CHLSN: variants seen among roughly 807,000 people sequenced by gnomAD.
CHLSN encodes the protein cholesin, also known as protein cholesin.
chr7:1,076,476 T>A, the CHLSN span, among the ~76,000 whole-genome samples: 2 of 152,166 alleles, frequency 1.3e-5, no homozygotes, highest in Non-Finnish European at 2.9e-5. Context: ...TGGTTTCCCA[T>A]GGATGTGCCA....
At chr7:987,257 G>T in the CHLSN span, 1 of 1,510,296 alleles carries the variant, frequency 6.6e-7, no homozygotes, top group Non-Finnish European at 8.9e-7. Flanking sequence ...TGAGACCCCG[G>T]CGCCTGGCGA....
the CHLSN span, among the ~76,000 whole-genome samples, chr7:1,019,187 CTG>C: frequency 9.9e-6 from 1 of 101,010 alleles, no homozygotes; most frequent in Non-Finnish European, 1.8e-5. Context: ...GAGTGAGACT[CTG>C]TCTCAAAAAA....
chr7:980,684 CTTTTTTTTTTT>C, the CHLSN span, among the ~76,000 whole-genome samples: 1 of 97,044 alleles, frequency 1.0e-5, no homozygotes, highest in East Asian at 3.1e-4. Context: ...GTAACAGTTA[CTTTTTTTTTTT>C]TTTTTTTTTT....
the CHLSN span, among the ~76,000 whole-genome samples, chr7:1,008,482 T>G: frequency 2.6e-5 from 4 of 152,126 alleles, no homozygotes; most frequent in African/African-American, 7.2e-5. Context: ...CCCACGTTCC[T>G]CAGGGAGAGG....
At chr7:1,092,838 G>A in the CHLSN span, 3 of 1,612,686 alleles carry the variant, frequency 1.9e-6, no homozygotes, top group Admixed American at 1.7e-5. Context: ...CGGATGTGAG[G>A]TTCAGCAGTG....
chr7:1,041,426 G>A, the CHLSN span, among the ~76,000 whole-genome samples: 247 of 148,610 alleles, frequency 1.7e-3, 10 homozygotes, highest in Non-Finnish European at 1.8e-3. Flanking sequence ...CCTGGGGTCC[G>A]CGCTGCGGGG....
the CHLSN span, chr7:988,448 G>T: frequency 6.2e-7 from 1 of 1,610,932 alleles, no homozygotes; most frequent in Non-Finnish European, 8.5e-7. Context: ...GGGGTGGGGC[G>T]GCACCTCCAG....
At chr7:1,089,138 G>A in the CHLSN span, among the ~76,000 whole-genome samples, 5 of 152,136 alleles carry the variant, frequency 3.3e-5, no homozygotes, top group Admixed American at 6.6e-5. Context: ...CCTCTGTGCC[G>A]TTTTTAAGAA....
At chr7:1,057,890 C>T in the CHLSN span, 19 of 776,750 alleles carry the variant, frequency 2.4e-5, no homozygotes, top group African/African-American at 3.4e-5. Context: ...TGCTGAGCCT[C>T]GACCACTACA....
the CHLSN span, among the ~76,000 whole-genome samples, chr7:1,001,369 T>C: frequency 2.2e-5 from 3 of 134,284 alleles, no homozygotes; most frequent in East Asian, 6.5e-4. Flanking sequence ...GGGTGGGGAG[T>C]CCTGTGGGTG....
the CHLSN span, among the ~76,000 whole-genome samples, chr7:1,135,939 G>GTATATATAAA: frequency 1.8e-5 from 2 of 108,836 alleles, no homozygotes; most frequent in African/African-American, 8.8e-5. Context: ...AAATATATAA[G>GTATATATAAA]TATATATAAA....
At chr7:1,042,979 C>T in the CHLSN span, among the ~76,000 whole-genome samples, 1 of 151,872 alleles carries the variant, frequency 6.6e-6, no homozygotes, top group East Asian at 1.9e-4. Flanking sequence ...TGGCCGGGCA[C>T]AGTGGCTCAC....
chr7:1,124,561 GGGGGT>G, the CHLSN span, among the ~76,000 whole-genome samples: 4,393 of 115,918 alleles, frequency 0.038, 292 homozygotes, highest in African/African-American at 0.12. Context: ...GAGGCAGTCG[GGGGGT>G]GGGGGGGGAG....
chr7:1,018,474 C>A, the CHLSN span, among the ~76,000 whole-genome samples: 1 of 152,098 alleles, frequency 6.6e-6, no homozygotes, highest in South Asian at 2.1e-4. Context: ...ACGAGGGAGT[C>A]GTGATGGGCA....
chr7:1,002,371 TCCTGTGGGTGG>T, the CHLSN span, among the ~76,000 whole-genome samples: 2 of 83,974 alleles, frequency 2.4e-5, no homozygotes, highest in Admixed American at 2.7e-4. Flanking sequence ...GTGAATGGAG[TCCTGTGGGTGG>T]GGAGTCCTGT....
chr7:1,126,500 T>C, the CHLSN span, among the ~76,000 whole-genome samples: 8 of 151,454 alleles, frequency 5.3e-5, no homozygotes, highest in African/African-American at 1.9e-4. Context: ...GCCAACATGG[T>C]GAAACCCGGT....
the CHLSN span, chr7:1,092,253 G>C: frequency 6.2e-7 from 1 of 1,612,318 alleles, no homozygotes; most frequent in Non-Finnish European, 8.5e-7. Context: ...ACCACGCCCG[G>C]CTGAGCTGTG....
the CHLSN span, among the ~76,000 whole-genome samples, chr7:1,008,988 AACACACATACACGCACACAC>A: frequency 1.2e-3 from 114 of 94,966 alleles, no homozygotes; most frequent in Non-Finnish European, 2.1e-3. Context: ...CACCCATGCG[AACACACATACACGCACACAC>A]ACACACATAC....
the CHLSN span, among the ~76,000 whole-genome samples, chr7:1,133,319 G>A: frequency 1.3e-5 from 2 of 148,856 alleles, no homozygotes; most frequent in Non-Finnish European, 2.9e-5. Context: ...AGGGGCACAG[G>A]GTTTCTTGTG....
Sources: gnomAD v4.1 joint callset for allele counts (sites outside exome capture counted in the v4.1 genomes callset) on GRCh38, gnomAD v4.1.1 for gene constraint, MANE v1.5 for transcripts, NCBI Gene and HGNC (gene_info 2026-07-23, HGNC 2026-07-21) for gene names.